The following DLG2 variants were observed in gnomAD, a reference collection of about 807,000 sequenced individuals.
DLG2 encodes the protein discs large MAGUK scaffold protein 2, also known as disks large homolog 2.
Under a neutral mutation model 132.5 loss-of-function variants are expected in DLG2, and 45 were observed. The ratio of observed to expected loss-of-function variants is 0.34; its 90% confidence interval spans 0.27 to 0.44. The LOEUF (loss-of-function observed/expected upper bound fraction) is 0.44. Ranked by LOEUF, DLG2 falls within the 20% of genes least tolerant of loss-of-function variation. DLG2 has a pLI of 1.00. For missense variants in DLG2, 1,045 were observed against 1,196.9 expected (o/e 0.87, Z 1.87); for synonymous variants, 424 against 419.6 (o/e 1.01, Z -0.13).
intron 3 of DLG2, chr11:85,336,183 A>C (rs1225598697): frequency 6.5e-6 from 1 of 152,734 alleles, no homozygotes; most frequent in Non-Finnish European, 1.5e-5. Context: ...GACCACACCA[A>C]CATGCCAAGA....
intron 6 of DLG2, among the ~76,000 whole-genome samples, chr11:84,776,416 A>T (rs1565930766): frequency 6.6e-6 from 1 of 152,240 alleles, no homozygotes; most frequent in East Asian, 1.9e-4. Flanking sequence ...CTTGGCCTCT[A>T]AAATAATGGG....
Position 84,405,017 on chromosome 11 carries a change from T to C in DLG2, c.519+129553A>G, listed in dbSNP as rs542110793. ...ATAGGGAAAAGGGACAATGTTGATATGTAACACCCAGGTTCAAAGGAAATG... is the reference window on the plus strand; with the variant it reads ...ATAGGGAAAAGGGACAATGTTGATACGTAACACCCAGGTTCAAAGGAAATG... On this transcript the variant is annotated intron_variant, in intron 7 of 27. Coordinates refer to ENST00000376104, the MANE Select transcript of DLG2 (RefSeq NM_001142699.3). 1.8e-3 allele frequency among the ~76,000 whole-genome samples: 275 copies of C among 152,278 alleles called. 3 individuals are homozygous for C. The highest frequency in any genetic ancestry group is 6.4e-3 in the African/African-American group (264 of 41,562).
intron 4 of DLG2, among the ~76,000 whole-genome samples, chr11:85,249,151 T>C (rs1199260612): frequency 6.6e-6 from 1 of 152,108 alleles, no homozygotes; most frequent in East Asian, 1.9e-4. Context: ...ATTATTTTCA[T>C]TACTTTATTT....
intron 6 of DLG2, among the ~76,000 whole-genome samples, chr11:85,060,532 T>C (rs577078108): frequency 6.6e-6 from 1 of 151,162 alleles, no homozygotes; most frequent in African/African-American, 2.4e-5. Flanking sequence ...CATGTATTTA[T>C]ATATACACGC....
chr11:84,418,005 T>C (rs1313063147), intron 7 of DLG2, among the ~76,000 whole-genome samples: 1 of 152,196 alleles, frequency 6.6e-6, no homozygotes, highest in African/African-American at 2.4e-5. Context: ...TGTCTATTAA[T>C]ATACTGAGTT....
At position 83,512,417 on chromosome 11, in the gene DLG2, G is replaced by T. The variant is rs559979305; in HGVS notation, c.2193+20291C>A. 7.9e-5 allele frequency among the ~76,000 whole-genome samples: 12 copies of T among 152,240 alleles called. No homozygotes were observed. In the South Asian group the frequency reaches 1.0e-3, roughly 13 times the overall value. ...CCTGTTCAAGAAATAAGCAATAAAC[G>T]AGTAATACAAATTTTTCTACAGAAA... On this transcript the variant is annotated intron_variant, in intron 21 of 27. Coordinates refer to ENST00000376104, the MANE Select transcript of DLG2 (RefSeq NM_001142699.3).
Position 84,535,954 on chromosome 11 carries a change from C to CATATATATATATAT in DLG2, c.358-1224_358-1223insATATATATATATAT, listed in dbSNP as rs778920932. ...CATCAATGGTTAATTTTTTCATATA[C>CATATATATATATAT]ATATATATATAAAACTTCTAGGACA... is the stretch of plus-strand genomic sequence containing the variant. On this transcript the variant is annotated intron_variant, in intron 6 of 27. Coordinates refer to ENST00000376104, the MANE Select transcript of DLG2 (RefSeq NM_001142699.3). Among the ~76,000 whole-genome samples, 340 of 144,450 alleles carry CATATATATATATAT rather than the reference C, an allele frequency of 2.4e-3. 8 individuals are homozygous for CATATATATATATAT. Among genetic ancestry groups the CATATATATATATAT allele is most frequent in the African/African-American group, 8.6e-3 (329 of 38,192 alleles). 94.8% of individuals were successfully genotyped at this position (144,450 alleles called of 152,430 possible).
At chr11:84,442,700 T>TA (rs537803509) in intron 7 of DLG2, among the ~76,000 whole-genome samples, 3 of 126,674 alleles carry the variant, frequency 2.4e-5, no homozygotes, top group Non-Finnish European at 4.6e-5. Context: ...TAAGTATAAT[T>TA]AAAAAAAAAG....
intron 4 of DLG2, among the ~76,000 whole-genome samples, chr11:85,277,224 G>T (rs1453263725): frequency 1.3e-5 from 2 of 152,142 alleles, no homozygotes; most frequent in Non-Finnish European, 2.9e-5. Context: ...AGAGCTACAA[G>T]AGGAAAATCC....
intron 6 of DLG2, among the ~76,000 whole-genome samples, chr11:84,641,745 C>T (rs2099666576): frequency 3.9e-5 from 6 of 152,034 alleles, no homozygotes; most frequent in African/African-American, 1.4e-4. Context: ...ATAACAGTAC[C>T]TAACTCATCA....
At chr11:84,898,821 C>T (rs1011879792) in intron 6 of DLG2, among the ~76,000 whole-genome samples, 1 of 152,010 alleles carries the variant, frequency 6.6e-6, no homozygotes, top group African/African-American at 2.4e-5. Context: ...TCTGTATGTT[C>T]CCCTCCCCAG....
At chr11:84,627,266 A>T (rs1265960699) in intron 6 of DLG2, among the ~76,000 whole-genome samples, 2 of 152,132 alleles carry the variant, frequency 1.3e-5, no homozygotes, top group East Asian at 1.9e-4. Context: ...ATGCACAATC[A>T]CTTATTCAAC....
chr11:85,201,260 C>T (rs186264685), intron 4 of DLG2, among the ~76,000 whole-genome samples: 1 of 152,132 alleles, frequency 6.6e-6, no homozygotes, highest in East Asian at 1.9e-4. Context: ...GCTGAAAGAC[C>T]CACACACCTC....
At chr11:85,583,057 A>ATATATAT (rs1555190342) in intron 3 of DLG2, among the ~76,000 whole-genome samples, 3 of 101,634 alleles carry the variant, frequency 3.0e-5, no homozygotes, top group African/African-American at 4.9e-5. Context: ...GGAAAAAAAA[A>ATATATAT]ATATATATAT....
Position 84,596,420 on chromosome 11 carries a change from G to C in DLG2, c.358-61689C>G, listed in dbSNP as rs146278332. Among the ~76,000 whole-genome samples the C allele has an allele frequency of 1.4e-3, 201 of 145,090 alleles. 1 individual carries two copies. In the Middle Eastern group the frequency reaches 0.018, roughly 13 times the overall value. ...TTTTTAGTAGTAGAGACGGGGTTTCGACACGTTGGCCAGGCTCCTCTCGAA... is the reference window on the plus strand; with the variant it reads ...TTTTTAGTAGTAGAGACGGGGTTTCCACACGTTGGCCAGGCTCCTCTCGAA... On this transcript the variant is annotated intron_variant, in intron 6 of 27. Transcript: ENST00000376104.
intron 15 of DLG2, among the ~76,000 whole-genome samples, chr11:83,925,790 T>C (rs1345158123): frequency 1.3e-5 from 2 of 152,104 alleles, no homozygotes; most frequent in Non-Finnish European, 2.9e-5. Context: ...ATGTATGCCA[T>C]AAATATTGAT....
Position 85,079,054 on chromosome 11 carries a change from A to G in DLG2, c.357+32607T>C, listed in dbSNP as rs557493787. Among the ~76,000 whole-genome samples the G allele has an allele frequency of 2.6e-5, 4 of 152,122 alleles. No homozygotes were observed. In the East Asian group the frequency reaches 5.9e-4, roughly 22 times the overall value. On this transcript the variant is annotated intron_variant, in intron 6 of 27. Transcript: ENST00000376104. ...GGGTCTGAGACATCAATCAATACATATAAGTGGTACACTTGTTCAGTCTGG... is the reference window on the plus strand; with the variant it reads ...GGGTCTGAGACATCAATCAATACATGTAAGTGGTACACTTGTTCAGTCTGG...
intron 6 of DLG2, among the ~76,000 whole-genome samples, chr11:84,868,037 GCACTC>G (rs2084872898): frequency 6.6e-6 from 1 of 151,302 alleles, no homozygotes; most frequent in African/African-American, 2.4e-5. Flanking sequence ...TCGCGCCACT[GCACTC>G]CAGCCTGGGC....
chr11:84,383,826 G>A (rs890104930), intron 7 of DLG2, among the ~76,000 whole-genome samples: 16 of 152,084 alleles, frequency 1.1e-4, no homozygotes, highest in African/African-American at 3.6e-4. Context: ...GCTATGCTGT[G>A]CTTGGGCTTG....
Sources: gnomAD v4.1 joint callset for allele counts (sites outside exome capture counted in the v4.1 genomes callset) on GRCh38, gnomAD v4.1.1 for gene constraint, MANE v1.5 for transcripts, NCBI Gene and HGNC (gene_info 2026-07-23, HGNC 2026-07-21) for gene names.